The following ZNF740 variants were observed in gnomAD, a reference collection of about 807,000 sequenced individuals.
The protein encoded by ZNF740 is oriLyt TD-element-binding protein 7.
ZNF740 carries 14 observed loss-of-function variants against 24.8 expected under a neutral mutation model. The ratio of observed to expected loss-of-function variants is 0.56; its 90% CI spans 0.37 to 0.88. ZNF740 has a LOEUF of 0.88. ZNF740 is among the 40% of genes least tolerant of loss of function. ZNF740 has a pLI of 0.00. For missense variants in ZNF740, 201 were observed against 247.9 expected (o/e 0.81, Z 1.27); for synonymous variants, 69 against 84.0 (o/e 0.82, Z 0.98).
At position 53,192,525 on chromosome 12, in the gene ZNF740, ACT is replaced by A. The variant is rs1170099631; in HGVS notation, c.*4938_*4939del. On this transcript the variant is annotated 3_prime_UTR_variant, in exon 7 of 7. Coordinates refer to ENST00000416904, the MANE Select transcript of ZNF740 (RefSeq NM_001004304.4). ...AGTGGGCCAGTCCTGAAGGCCCCAC[ACT>A]CTGCACAGTCCCTGTGTAGTAGATG... 1.2e-6 allele frequency: 2 copies of A among 1,613,982 alleles called. No individual in the cohort carries two copies. Among genetic ancestry groups the A allele is most frequent in the South Asian group, 1.1e-5 (1 of 91,088 alleles).
Position 53,192,370 on chromosome 12 carries a change from G to T in ZNF740, c.*4780G>T. 6.2e-7 allele frequency: 1 copy of T among 1,614,022 alleles called. No homozygotes were observed. Among genetic ancestry groups the T allele is most frequent in the Non-Finnish European group, 8.5e-7 (1 of 1,180,020 alleles). ...CTCTGAGCACGACCGTGCCTCTGGC[G>T]TCATCCTCCACCAAGAAGAAGAACA... On this transcript the variant is annotated 3_prime_UTR_variant, in exon 7 of 7. Transcript: ENST00000416904.
chr12:53,183,490 AT>A (rs200070793), intron 2 of ZNF740, among the ~76,000 whole-genome samples: 4 of 151,120 alleles, frequency 2.6e-5, no homozygotes, highest in South Asian at 2.1e-4. Context: ...ATTTCTTAAA[AT>A]TTTTTTTTTC....
chr12:53,193,340 C>T lies in ZNF740; in HGVS notation c.*5750C>T, dbSNP rs766953169. The T allele has an allele frequency of 1.6e-5, 25 of 1,590,474 alleles. No individual in the cohort carries two copies. The highest frequency in any genetic ancestry group is 1.7e-4 in the Middle Eastern group (1 of 5,976). On this transcript the variant is annotated 3_prime_UTR_variant, in exon 7 of 7. Transcript: ENST00000416904. ...CTCTGCCACAGAGCACTCACAGAGC[C>T]GACCTAGGCGGCCAGGGGCACAGCT... is the stretch of plus-strand genomic sequence containing the variant.
Position 53,185,179 on chromosome 12 carries a change from T to C in ZNF740, c.159+139T>C, listed in dbSNP as rs573727110. The C allele has an allele frequency of 1.3e-5, 18 of 1,387,984 alleles. No homozygotes were observed. The East Asian group carries it at 3.6e-4, about 28-fold the overall frequency. 86.0% of individuals were successfully genotyped at this position (1,387,984 alleles called of 1,614,324 possible). On this transcript the variant is annotated intron_variant, in intron 3 of 6. Transcript: ENST00000416904. ...GATCCAACTGGGGAATGGATGAACA[T>C]TGGTATTTCAGAAAGCTAAGGAAGG...
rs966194594 is a variant in ZNF740 at position 53,193,565 on chromosome 12, G to A, written c.*5975G>A. 1 of 813,678 alleles carries A rather than the reference G, an allele frequency of 1.2e-6. No individual in the cohort carries two copies. The highest frequency in any genetic ancestry group is 2.7e-5 in the East Asian group (1 of 37,046). 50.4% of individuals were successfully genotyped at this position (813,678 alleles called of 1,614,324 possible). A position where few individuals can be genotyped will look rare whatever the true frequency, so the allele number is the denominator to read the frequency against. On this transcript the variant is annotated 3_prime_UTR_variant, in exon 7 of 7. Transcript: ENST00000416904. ...AGGGGGAGGGCCTGGACATACATGG[G>A]AAGCTTCAAGGGATGAAACTGAGTG... is the stretch of plus-strand genomic sequence containing the variant.
At chr12:53,187,453 G>A (rs370637185) in intron 6 of ZNF740, 48 bp from the exon 7 acceptor site, 2 of 1,520,958 alleles carry the variant, frequency 1.3e-6, no homozygotes, top group Non-Finnish European at 9.1e-7. Context: ...TAGCCAACAG[G>A]TAGCTGCGTT....
rs1442835019 is a variant in ZNF740 at position 53,187,485 on chromosome 12, C to T, written c.493-16C>T. ...CGTTTGTCTGCTCAGGCACTTAACC[C>T]TCCCTTTCTTCTCAGTGTTTTTCTC... is the stretch of plus-strand genomic sequence containing the variant. On this transcript the variant is annotated splice_polypyrimidine_tract_variant and intron_variant, in intron 6 of 6. Coordinates refer to ENST00000416904, the MANE Select transcript of ZNF740 (RefSeq NM_001004304.4). The T allele has an allele frequency of 1.3e-5, 21 of 1,612,400 alleles. No homozygotes were observed. Among genetic ancestry groups the T allele is most frequent in the Non-Finnish European group, 1.8e-5 (21 of 1,178,596 alleles).
chr12:53,191,804 T>C lies in ZNF740; in HGVS notation c.*4214T>C, dbSNP rs1941956409. ...GGAACCCAGTGGGAGGAATCAGGGC[T>C]GGTCTTGTGGTGGGGGAACAGCTAA... On this transcript the variant is annotated 3_prime_UTR_variant, in exon 7 of 7. Transcript: ENST00000416904. 6.2e-7 allele frequency: 1 copy of C among 1,608,084 alleles called. No individual in the cohort carries two copies. Among genetic ancestry groups the C allele is most frequent in the South Asian group, 1.1e-5 (1 of 90,922 alleles).
At chr12:53,187,387 T>G (rs1941844372) in intron 6 of ZNF740, 114 bp from the exon 7 acceptor site, 1 of 823,160 alleles carries the variant, frequency 1.2e-6, no homozygotes, top group Non-Finnish European at 2.0e-6. Flanking sequence ...CTGCTGTCTG[T>G]GCACGTGCTG....
intron 2 of ZNF740, among the ~76,000 whole-genome samples, chr12:53,184,114 G>GGGGTGTGTGTGTGT (rs1555175868): frequency 8.1e-5 from 10 of 123,574 alleles, no homozygotes; most frequent in East Asian, 2.6e-4. Context: ...GAAGCTAAGG[G>GGGGTGTGTGTGTGT]GTGTGTGTGT....
chr12:53,192,879 G>C lies in ZNF740; in HGVS notation c.*5289G>C. 1 of 1,614,198 alleles carries C rather than the reference G, an allele frequency of 6.2e-7. No individual in the cohort carries two copies. Among genetic ancestry groups the C allele is most frequent in the Non-Finnish European group, 8.5e-7 (1 of 1,180,042 alleles). ...CTCTGCCCGTGCGGTTGGCATGACA[G>C]TGACATACTCCACATTGGCAGCGAC... On this transcript the variant is annotated 3_prime_UTR_variant, in exon 7 of 7. Coordinates refer to ENST00000416904, the MANE Select transcript of ZNF740 (RefSeq NM_001004304.4).
chr12:53,181,733 G>A lies in ZNF740; in HGVS notation c.-251G>A. The A allele has an allele frequency of 1.9e-6, 1 of 534,762 alleles. No individual in the cohort carries two copies. Among genetic ancestry groups the A allele is most frequent in the Non-Finnish European group, 3.2e-6 (1 of 316,826 alleles). The allele number at this position is 534,762 out of a possible 1,614,324, so 33.1% of individuals were successfully genotyped here. A position where few individuals can be genotyped will look rare whatever the true frequency, so the allele number is the denominator to read the frequency against. On this transcript the variant is annotated 5_prime_UTR_variant, in exon 2 of 7. Coordinates refer to ENST00000416904, the MANE Select transcript of ZNF740 (RefSeq NM_001004304.4). ...AGAATTCAACTGGAAAACCAAGACTGGTAGACTCTCTTTTTCTTCAGACAA... is the reference window on the plus strand; with the variant it reads ...AGAATTCAACTGGAAAACCAAGACTAGTAGACTCTCTTTTTCTTCAGACAA...
rs114623004 is a variant in ZNF740 at position 53,181,812 on chromosome 12, G to A, written c.-172G>A. Reference sequence around the variant, plus strand: ...TTCTTGGAACACCTATCTTTTCTTCGGAGGACACTAAGTTCTATTTGAAGA... The same window carrying A: ...TTCTTGGAACACCTATCTTTTCTTCAGAGGACACTAAGTTCTATTTGAAGA... On this transcript the variant is annotated 5_prime_UTR_variant, in exon 2 of 7. Coordinates refer to ENST00000416904, the MANE Select transcript of ZNF740 (RefSeq NM_001004304.4). The A allele has an allele frequency of 8.3e-5, 66 of 790,446 alleles. No individual in the cohort carries two copies. The African/African-American group carries it at 8.6e-4, about 10-fold the overall frequency. 49.0% of individuals were successfully genotyped at this position (790,446 alleles called of 1,614,324 possible).
In ZNF740 at chr12:53,185,946, G is replaced by A. The variant is rs1430752833; in HGVS notation, c.250-8G>A. On this transcript the variant is annotated splice_polypyrimidine_tract_variant and splice_region_variant and intron_variant, in intron 4 of 6. Coordinates refer to ENST00000416904, the MANE Select transcript of ZNF740 (RefSeq NM_001004304.4). ...TGGCCTCATGACATGCCTGATTATT[G>A]CCCCCAGGTGGTGGTAGTGGAACAA... is the stretch of plus-strand genomic sequence containing the variant. 1 of 1,613,252 alleles carries A rather than the reference G, an allele frequency of 6.2e-7. No individual in the cohort carries two copies. The highest frequency in any genetic ancestry group is 2.2e-5 in the East Asian group (1 of 44,890).
Position 53,186,459 on chromosome 12 carries a change from A to C in ZNF740, c.442A>C (p.Lys148Gln). The C allele has an allele frequency of 6.3e-7, 1 of 1,591,528 alleles. No individual in the cohort carries two copies. ...FIQKYHLERH[K>Q]RVHSGEKPYQ... is the part of the protein sequence containing the mutation. ...CCAGAAGTACCACCTGGAACGCCAC[A>C]AGCGTGTGCACAGTGGTGAAAAGCC... Residue 148 changes from lysine (K) to glutamine (Q), a missense_variant, in exon 6 of 7, where the codon AAG becomes CAG. By Grantham distance (53) the Lys-to-Gln change is moderately conservative. Coordinates refer to ENST00000416904, the MANE Select transcript of ZNF740 (RefSeq NM_001004304.4).
chr12:53,193,393 G>A lies in ZNF740; in HGVS notation c.*5803G>A. 1 of 1,484,026 alleles carries A rather than the reference G, an allele frequency of 6.7e-7. No homozygotes were observed. The highest frequency in any genetic ancestry group is 9.1e-7 in the Non-Finnish European group (1 of 1,103,180). The allele number at this position is 1,484,026 out of a possible 1,614,324, so 91.9% of individuals were successfully genotyped here. A position where few individuals can be genotyped will look rare whatever the true frequency, so the allele number is the denominator to read the frequency against. ...AAGGGGAAGGCAAAGGAGAGAAGTA[G>A]GTCAGAGGGTTTGATCACCCCTGAC... is the stretch of plus-strand genomic sequence containing the variant. On this transcript the variant is annotated 3_prime_UTR_variant, in exon 7 of 7. Coordinates refer to ENST00000416904, the MANE Select transcript of ZNF740 (RefSeq NM_001004304.4).
Position 53,192,276 on chromosome 12 carries a change from G to T in ZNF740, c.*4686G>T. ...ATTATCTTCACTCTGCATCCCCAGA[G>T]TTGAGACCCTGCCCATCAAACTTCC... On this transcript the variant is annotated 3_prime_UTR_variant, in exon 7 of 7. Coordinates refer to ENST00000416904, the MANE Select transcript of ZNF740 (RefSeq NM_001004304.4). 1 of 1,561,708 alleles carries T rather than the reference G, an allele frequency of 6.4e-7. No individual in the cohort carries two copies. Among genetic ancestry groups the T allele is most frequent in the Non-Finnish European group, 8.8e-7 (1 of 1,135,006 alleles).
Position 53,187,834 on chromosome 12 carries a change from T to G in ZNF740, c.*244T>G. 2.0e-6 allele frequency: 1 copy of G among 505,460 alleles called. No individual in the cohort carries two copies. Among genetic ancestry groups the G allele is most frequent in the Non-Finnish European group, 3.6e-6 (1 of 277,172 alleles). 31.3% of individuals were successfully genotyped at this position (505,460 alleles called of 1,614,324 possible). A position where few individuals can be genotyped will look rare whatever the true frequency, so the allele number is the denominator to read the frequency against. On this transcript the variant is annotated 3_prime_UTR_variant, in exon 7 of 7. Coordinates refer to ENST00000416904, the MANE Select transcript of ZNF740 (RefSeq NM_001004304.4). Reference sequence around the variant, plus strand: ...ATTCCTGGGTAGGGGAGCTAGTCCCTGGACCCTTGGCTGAGGTCATAGGTG... The same window carrying G: ...ATTCCTGGGTAGGGGAGCTAGTCCCGGGACCCTTGGCTGAGGTCATAGGTG...
At chr12:53,187,085 C>T (rs1941838558) in intron 6 of ZNF740, among the ~76,000 whole-genome samples, 1 of 152,246 alleles carries the variant, frequency 6.6e-6, no homozygotes, top group African/African-American at 2.4e-5. Context: ...TGCACTCTTA[C>T]ACTGAATCTT....
Sources: allele counts gnomAD v4.1 joint callset (sites outside exome capture counted in the v4.1 genomes callset), GRCh38; gene constraint gnomAD v4.1.1; transcripts MANE v1.5; gene names NCBI Gene and HGNC (gene_info 2026-07-23, HGNC 2026-07-21).